The following ARHGEF4 variants were observed in gnomAD, a reference collection of about 807,000 sequenced individuals.
The protein encoded by ARHGEF4 is APC-stimulated guanine nucleotide exchange factor 1.
In ARHGEF4, 119 loss-of-function variants were observed where a neutral mutation model predicts 162.0. The observed-to-expected ratio is 0.73, with a 90% CI of 0.63 to 0.86. The LOEUF (loss-of-function observed/expected upper bound fraction) is 0.86. ARHGEF4 is among the 40% of genes least tolerant of loss of function. The pLI, the probability that ARHGEF4 is intolerant of heterozygous loss-of-function variation, is 0.00. For synonymous variants in ARHGEF4, 1,014 were observed against 979.9 expected (o/e 1.03, Z -0.65); for missense variants, 2,488 against 2,456.0 (o/e 1.01, Z -0.28).
At chr2:130,960,831 T>C (rs936162028) in intron 4 of ARHGEF4, among the ~76,000 whole-genome samples, 3 of 152,126 alleles carry the variant, frequency 2.0e-5, no homozygotes, top group East Asian at 1.9e-4. Context: ...TTAGGAAACA[T>C]AGATCCCCTT....
chr2:130,917,669 A>G (rs541605197), intron 2 of ARHGEF4, among the ~76,000 whole-genome samples, 171 bp downstream of exon 2: 1 of 152,114 alleles, frequency 6.6e-6, no homozygotes, highest in South Asian at 2.1e-4. Flanking sequence ...CGGGTGACCA[A>G]CTTCTTGAAC....
chr2:130,991,174 G>T (rs527289123), intron 4 of ARHGEF4, among the ~76,000 whole-genome samples: 1 of 152,344 alleles, frequency 6.6e-6, no homozygotes, highest in South Asian at 2.1e-4. Flanking sequence ...AGACCAAGTA[G>T]ACAATATTTA....
In ARHGEF4 at chr2:130,932,218, T is replaced by C. The variant is rs184218485; in HGVS notation, c.3858+961T>C. Among the ~76,000 whole-genome samples the C allele has an allele frequency of 9.9e-5, 15 of 152,124 alleles. 2 individuals are homozygous for C. The East Asian group carries it at 2.3e-3, about 24-fold the overall frequency. ...CGTGTTTTATCCATGTCATAGCACATATCAATACTTCATTTCTTTGTATGG... is the reference window on the plus strand; with the variant it reads ...CGTGTTTTATCCATGTCATAGCACACATCAATACTTCATTTCTTTGTATGG... On this transcript the variant is annotated intron_variant, in intron 3 of 13. Coordinates refer to ENST00000409359, the MANE Select transcript of ARHGEF4 (RefSeq NM_001367493.1).
intron 1 of ARHGEF4, among the ~76,000 whole-genome samples, chr2:130,865,437 A>G (rs1682202263): frequency 6.6e-6 from 1 of 152,212 alleles, no homozygotes; most frequent in Non-Finnish European, 1.5e-5. Context: ...TTGTTTCCAG[A>G]ACGGTGCTGA....
chr2:130,942,138 TTTTTTTC>T (rs1302076839), intron 3 of ARHGEF4, among the ~76,000 whole-genome samples: 1 of 144,150 alleles, frequency 6.9e-6, no homozygotes, highest in Non-Finnish European at 1.5e-5. Context: ...TTGGTAGTTT[TTTTTTTC>T]TTTTTTCTTT....
chr2:130,876,583 G>T (rs895592858), intron 1 of ARHGEF4, among the ~76,000 whole-genome samples: 1 of 152,018 alleles, frequency 6.6e-6, no homozygotes, highest in Non-Finnish European at 1.5e-5. Context: ...TAGTAGAGAC[G>T]GGGTTTCACC....
intron 2 of ARHGEF4, among the ~76,000 whole-genome samples, chr2:130,926,490 G>A (rs1203290186): frequency 6.6e-6 from 1 of 152,138 alleles, no homozygotes; most frequent in African/African-American, 2.4e-5. Flanking sequence ...ATTTTGGGGA[G>A]TGGAGTCTTT....
At chr2:130,947,376 A>G (rs1007065332) in intron 4 of ARHGEF4, 3 of 152,242 alleles carry the variant, frequency 2.0e-5, no homozygotes, top group Admixed American at 2.0e-4. Context: ...CCTGGGCGAC[A>G]GAGTGATACT....
intron 5 of ARHGEF4, chr2:131,035,197 T>G (rs1011576518): frequency 8.2e-7 from 1 of 1,223,362 alleles, no homozygotes; most frequent in Non-Finnish European, 1.0e-6. Flanking sequence ...CGTGGTGGTC[T>G]CCGCCGTGCT....
At position 130,914,672 on chromosome 2, in the gene ARHGEF4, A is replaced by AC; in HGVS notation, c.727dup (p.His243ProfsTer13). On this transcript the variant is annotated frameshift_variant, in exon 2 of 14. Coordinates refer to ENST00000409359, the MANE Select transcript of ARHGEF4 (RefSeq NM_001367493.1). LOFTEE classifies it high-confidence loss of function. ...GCTGTGAACTGGGTCGGAGTTGGCC[A>AC]CATATCCACAACAGGGCCAGGGCAC... The AC allele has an allele frequency of 7.2e-7, 1 of 1,389,368 alleles. No homozygotes were observed. Among genetic ancestry groups the AC allele is most frequent in the Non-Finnish European group, 9.3e-7 (1 of 1,078,282 alleles). 86.1% of individuals were successfully genotyped at this position (1,389,368 alleles called of 1,614,324 possible). A position where few individuals can be genotyped will look rare whatever the true frequency, so the allele number is the denominator to read the frequency against.
chr2:130,840,262 C>G (rs111314832), intron 1 of ARHGEF4, among the ~76,000 whole-genome samples: 8 of 152,152 alleles, frequency 5.3e-5, no homozygotes, highest in Non-Finnish European at 8.8e-5. Context: ...ATCAGTGGCT[C>G]TATACTATGC....
At chr2:131,007,029 A>C (rs1178346600) in intron 4 of ARHGEF4, among the ~76,000 whole-genome samples, 1 of 152,230 alleles carries the variant, frequency 6.6e-6, no homozygotes, top group Non-Finnish European at 1.5e-5. Context: ...TACAAGGCAT[A>C]GGGTGTAGGA....
chr2:130,988,891 TATATATATATAGAGAGAG>T (rs1240382532), intron 4 of ARHGEF4, among the ~76,000 whole-genome samples: 201 of 116,242 alleles, frequency 1.7e-3, no homozygotes, highest in Admixed American at 2.6e-3. Context: ...TATATATATA[TATATATATATAGAGAGAG>T]AGAGAGAGAG....
chr2:130,900,389 T>G (rs189625659), intron 1 of ARHGEF4, among the ~76,000 whole-genome samples: 1 of 152,320 alleles, frequency 6.6e-6, no homozygotes, highest in East Asian at 1.9e-4. Flanking sequence ...AGGTCTTGTT[T>G]GGTGTATACA....
chr2:130,845,740 C>T (rs1350002016), intron 1 of ARHGEF4, among the ~76,000 whole-genome samples: 2 of 152,166 alleles, frequency 1.3e-5, no homozygotes, highest in Non-Finnish European at 2.9e-5. Flanking sequence ...GACCTGGAAG[C>T]GACTCACAGG....
intron 4 of ARHGEF4, among the ~76,000 whole-genome samples, chr2:130,968,474 T>A (rs1182662268): frequency 6.6e-6 from 1 of 152,102 alleles, no homozygotes; most frequent in Non-Finnish European, 1.5e-5. Context: ...TGCAGAAGGA[T>A]GTAGGAAGGA....
At chr2:130,926,052 T>TTCTCTCTCTCTCTC (rs751271786) in intron 2 of ARHGEF4, among the ~76,000 whole-genome samples, 1 of 98,278 alleles carries the variant, frequency 1.0e-5, no homozygotes, top group African/African-American at 4.1e-5. Flanking sequence ...TTCTTTCTCT[T>TTCTCTCTCTCTCTC]TCTTTCTTTC....
At chr2:130,999,449 C>T (rs1399801508) in intron 4 of ARHGEF4, among the ~76,000 whole-genome samples, 1 of 152,156 alleles carries the variant, frequency 6.6e-6, no homozygotes, top group African/African-American at 2.4e-5. Flanking sequence ...AGCCACTGTG[C>T]CCGGCCATAA....
rs1689683903 is a variant in ARHGEF4 at position 131,029,306 on chromosome 2, C to G, written c.4125+1222C>G. On this transcript the variant is annotated intron_variant, in intron 5 of 13. Transcript: ENST00000409359. ...CCTGGGAGGCAGAGGTTGCAGTGAG[C>G]CAAGATCGTGCCACTGCACTACAGC... Among the ~76,000 whole-genome samples, 6 of 152,072 alleles carry G rather than the reference C, an allele frequency of 3.9e-5. No homozygotes were observed. The South Asian group carries it at 1.2e-3, about 32-fold the overall frequency.
Sources: gnomAD v4.1 joint callset for allele counts (sites outside exome capture counted in the v4.1 genomes callset) on GRCh38, gnomAD v4.1.1 for gene constraint, MANE v1.5 for transcripts, NCBI Gene and HGNC (gene_info 2026-07-23, HGNC 2026-07-21) for gene names.